LAMA4: variants seen among roughly 807,000 people sequenced by gnomAD.
LAMA4 encodes laminin subunit alpha-4.
LAMA4 carries 127 observed loss-of-function variants against 207.1 expected under a neutral mutation model. The ratio of observed to expected loss-of-function variants is 0.61; its 90% CI spans 0.53 to 0.71. The LOEUF is 0.71. LAMA4 is among the 30% of genes least tolerant of loss of function. The probability of loss-of-function intolerance (pLI) is 0.00; values close to 1 mark genes in which losing one functional copy is unlikely to be tolerated. For missense variants in LAMA4, 2,093 were observed against 2,246.5 expected, an observed-to-expected ratio of 0.93 and a Z score of 1.38; for synonymous variants, 761 against 816.0, an observed-to-expected ratio of 0.93 and a Z score of 1.15.
Position 112,117,231 on chromosome 6 carries a change from G to A in LAMA4, c.4981+508C>T, listed in dbSNP as rs1454855595. On this transcript the variant is annotated intron_variant, in intron 35 of 38. Transcript: ENST00000230538. This position sits in a 1 kb window ranked among gnomAD's most constrained non-coding sequence, Gnocchi z 4.5. ...CTGTTATGTCCCATCATCTGGCATAGGGACTGCCTTATGGGAGGCATACAA... is the reference window on the plus strand; with the variant it reads ...CTGTTATGTCCCATCATCTGGCATAAGGACTGCCTTATGGGAGGCATACAA... Among the ~76,000 whole-genome samples, 2 of 152,178 alleles carry A rather than the reference G, an allele frequency of 1.3e-5. No homozygotes were observed. Among genetic ancestry groups the A allele is most frequent in the Non-Finnish European group, 2.9e-5 (2 of 68,038 alleles).
intron 6 of LAMA4, among the ~76,000 whole-genome samples, chr6:112,190,887 CT>C (rs1225168109): frequency 4.8e-5 from 3 of 62,200 alleles, no homozygotes; most frequent in South Asian, 1.5e-3. Context: ...TTCTTTCTTT[CT>C]TTCTTTCTTT....
rs573206205 is a variant in LAMA4 at position 112,136,274 on chromosome 6, G to T, written c.3283-20C>A. On this transcript the variant is annotated intron_variant, in intron 24 of 38. Transcript: ENST00000230538. ...CATACTCTGAGGAGAGAAAGGAATT[G>T]TAAGATAGGAACATCTGTTATGCGA... The T allele has an allele frequency of 1.3e-6, 2 of 1,586,700 alleles. No individual in the cohort carries two copies. Among genetic ancestry groups the T allele is most frequent in the South Asian group, 1.1e-5 (1 of 90,450 alleles).
At position 112,142,215 on chromosome 6, in the gene LAMA4, G is replaced by A. The variant is rs782523689; in HGVS notation, c.2571C>T (p.Ala857=). ...TCATGTACAGGCTCAGAGACGTGAA[G>A]GCCTTTAAGTCATCCATACTGGTTC... ...HSRTSMDDLK[A]FTSLSLYMKP... Residue 857 remains alanine, a synonymous_variant, in exon 20 of 39, where the codon GCC becomes GCT. Coordinates refer to ENST00000230538, the MANE Select transcript of LAMA4 (RefSeq NM_001105206.3). The A allele has an allele frequency of 1.2e-6, 2 of 1,613,998 alleles. No homozygotes were observed. The highest frequency in any genetic ancestry group is 1.7e-5 in the Admixed American group (1 of 59,992).
In LAMA4 at chr6:112,198,014, A is replaced by G. The variant is rs536384299; in HGVS notation, c.503+3594T>C. Among the ~76,000 whole-genome samples the G allele has an allele frequency of 4.6e-5, 7 of 152,352 alleles. No individual in the cohort carries two copies. The East Asian group carries it at 1.3e-3, about 29-fold the overall frequency. The stretch of plus-strand genomic sequence containing the variant: ...ATTCACTGAGAACTCCTGAACCTTC[A>G]TTTCCAAGGACAACCAAGGTTCTTA... On this transcript the variant is annotated intron_variant, in intron 5 of 38. Coordinates refer to ENST00000230538, the MANE Select transcript of LAMA4 (RefSeq NM_001105206.3).
chr6:112,128,839 C>A (rs2114633977), intron 31 of LAMA4, 83 bp downstream of exon 31: 2 of 1,220,834 alleles, frequency 1.6e-6, no homozygotes, highest in Non-Finnish European at 2.4e-6. Flanking sequence ...AGTATCAAGT[C>A]AATTCTCTAA....
intron 14 of LAMA4, among the ~76,000 whole-genome samples, chr6:112,156,914 CA>C (rs1361140099): frequency 2.7e-5 from 4 of 145,822 alleles, no homozygotes; most frequent in Non-Finnish European, 6.0e-5. Context: ...ATCCATTAGG[CA>C]CAGCGTTTTC....
At chr6:112,134,340 T>C in intron 26 of LAMA4, 127 bp downstream of exon 26, 2 of 866,110 alleles carry the variant, frequency 2.3e-6, no homozygotes, top group Non-Finnish European at 3.8e-6. Flanking sequence ...TGAATGTGTG[T>C]ACCTGTGCCT....
intron 38 of LAMA4, among the ~76,000 whole-genome samples, chr6:112,113,572 G>T (rs143815424): frequency 6.6e-6 from 1 of 152,318 alleles, no homozygotes; most frequent in African/African-American, 2.4e-5. Context: ...GATGTTTACA[G>T]AATTGCAGCT....
At chr6:112,136,684 T>C (rs1779371298) in intron 24 of LAMA4, among the ~76,000 whole-genome samples, 2 of 130,250 alleles carry the variant, frequency 1.5e-5, no homozygotes. Context: ...AGAACGAGAC[T>C]CTGTCTCAAA....
At chr6:112,223,860 T>C (rs1554361420) in intron 2 of LAMA4, among the ~76,000 whole-genome samples, 1 of 152,252 alleles carries the variant, frequency 6.6e-6, no homozygotes, top group Non-Finnish European at 1.5e-5. Context: ...AAACTTCTAT[T>C]GTACCCTCTT....
At position 112,174,460 on chromosome 6, in the gene LAMA4, G is replaced by A. The variant is rs149602975; in HGVS notation, c.1357+853C>T. Among the ~76,000 whole-genome samples the A allele has an allele frequency of 4.5e-4, 69 of 152,246 alleles. 1 individual carries two copies. The East Asian group carries it at 0.013, about 29-fold the overall frequency. ...ACCCATGAAAGCATGAGCAATAAATGGTTATTGTTTTAAATGAATACATTT... is the reference window on the plus strand; with the variant it reads ...ACCCATGAAAGCATGAGCAATAAATAGTTATTGTTTTAAATGAATACATTT... On this transcript the variant is annotated intron_variant, in intron 11 of 38. Transcript: ENST00000230538.
At chr6:112,130,361 T>G (rs545375127) in intron 29 of LAMA4, among the ~76,000 whole-genome samples, 1 of 150,892 alleles carries the variant, frequency 6.6e-6, no homozygotes, top group African/African-American at 2.4e-5. Context: ...TACCTTATGA[T>G]GATCACTTAA....
chr6:112,180,708 C>T (rs900601780), intron 9 of LAMA4, among the ~76,000 whole-genome samples: 1 of 151,970 alleles, frequency 6.6e-6, no homozygotes. Flanking sequence ...CTAGGGTGAT[C>T]ATATATTTTA....
intron 24 of LAMA4, 126 bp downstream of exon 24, chr6:112,138,994 G>T: frequency 2.1e-6 from 2 of 962,914 alleles, no homozygotes; most frequent in African/African-American, 1.6e-5. Context: ...AATCCAATTT[G>T]ACTTTCTAAA....
intron 2 of LAMA4, among the ~76,000 whole-genome samples, chr6:112,249,357 C>T (rs1271042057): frequency 1.4e-5 from 2 of 144,170 alleles, no homozygotes; most frequent in African/African-American, 2.6e-5. Flanking sequence ...GCAGGGGAAT[C>T]GCTTTAACTC....
intron 2 of LAMA4, among the ~76,000 whole-genome samples, chr6:112,222,168 TACTC>T (rs1784960279): frequency 6.6e-6 from 1 of 152,214 alleles, no homozygotes; most frequent in Non-Finnish European, 1.5e-5. Context: ...TGAAGACAAT[TACTC>T]ACGCATCCTC....
intron 2 of LAMA4, 176 bp from the exon 3 acceptor site, chr6:112,216,645 A>G: frequency 3.2e-6 from 2 of 632,270 alleles, no homozygotes; most frequent in African/African-American, 3.6e-5. Flanking sequence ...CCATTCAGTG[A>G]TAGATGATGT....
At chr6:112,190,928 TTTCTTTC>T (rs1162099390) in intron 6 of LAMA4, among the ~76,000 whole-genome samples, 23 of 100,622 alleles carry the variant, frequency 2.3e-4, no homozygotes, top group African/African-American at 8.4e-4. Context: ...TCTTTCTTTC[TTTCTTTC>T]TTTCTTTCTT....
In LAMA4 at chr6:112,241,171, GAATATATAT is replaced by G. The variant is rs1554187630; in HGVS notation, c.195+12776_195+12784del. Among the ~76,000 whole-genome samples, 277 of 64,836 alleles carry G rather than the reference GAATATATAT, an allele frequency of 4.3e-3. 10 individuals are homozygous for G. Among genetic ancestry groups the G allele is most frequent in the Middle Eastern group, 0.019 (3 of 156 alleles). 42.5% of individuals were successfully genotyped at this position (64,836 alleles called of 152,430 possible). A position where few individuals can be genotyped will look rare whatever the true frequency, so the allele number is the denominator to read the frequency against. On this transcript the variant is annotated intron_variant, in intron 2 of 38. Transcript: ENST00000230538. ...TATGAATATATATATGAATATATAT[GAATATATAT>G]GAATATATATGAATATATATGATAT...
Sources: gnomAD v4.1 joint callset for allele counts (sites outside exome capture counted in the v4.1 genomes callset) on GRCh38, gnomAD v4.1.1 for gene constraint, Gnocchi (gnomAD v3.1) non-coding constraint, MANE v1.5 for transcripts, NCBI Gene and HGNC (gene_info 2026-07-23, HGNC 2026-07-21) for gene names.